The following CDH12 variants were observed in gnomAD, a reference collection of about 807,000 sequenced individuals.
CDH12 encodes cadherin-12.
Under a neutral mutation model 74.1 loss-of-function variants are expected in CDH12, and 41 were observed. The observed-to-expected ratio is 0.55, with a 90% CI of 0.43 to 0.72. The LOEUF (loss-of-function observed/expected upper bound fraction) is 0.72, where lower values mean the gene tolerates loss of function less well. Ranked by LOEUF, CDH12 falls within the 30% of genes least tolerant of loss-of-function variation. CDH12 has a pLI of 0.00. For missense variants in CDH12, 945 were observed against 977.2 expected (o/e 0.97, Z 0.44); for synonymous variants, 399 against 355.0 (o/e 1.12, Z -1.39).
intron 1 of CDH12, among the ~76,000 whole-genome samples, chr5:22,852,757 T>C (rs1477343382): frequency 6.6e-6 from 1 of 152,228 alleles, no homozygotes; most frequent in Non-Finnish European, 1.5e-5. Context: ...CACACCTACT[T>C]ATTTTCATTT....
intron 1 of CDH12, among the ~76,000 whole-genome samples, chr5:22,790,063 T>G (rs551004866): frequency 6.6e-6 from 1 of 152,162 alleles, no homozygotes; most frequent in East Asian, 1.9e-4. Flanking sequence ...TCAGCCTGCT[T>G]TTAAGTCAAG....
chr5:22,693,373 C>A (rs117448780), intron 1 of CDH12, among the ~76,000 whole-genome samples: 31 of 152,158 alleles, frequency 2.0e-4, no homozygotes, highest in Middle Eastern at 3.4e-3. Context: ...TGTGTGGGGA[C>A]TGGCGGGGGT....
intron 1 of CDH12, among the ~76,000 whole-genome samples, chr5:22,537,728 TAGAG>T (rs1292446683): frequency 6.6e-6 from 1 of 152,176 alleles, no homozygotes; most frequent in Non-Finnish European, 1.5e-5. Flanking sequence ...TAAATACTCT[TAGAG>T]AGCGCTCCTG....
intron 5 of CDH12, among the ~76,000 whole-genome samples, chr5:22,038,495 C>T (rs140220017): frequency 1.9e-3 from 287 of 152,272 alleles, no homozygotes; most frequent in Admixed American, 3.3e-3. Flanking sequence ...CCCAAAGAAA[C>T]GGTGCCATGG....
At position 22,341,574 on chromosome 5, in the gene CDH12, G is replaced by A. The variant is rs1323670692; in HGVS notation, c.-333+63683C>T. 4.6e-5 allele frequency among the ~76,000 whole-genome samples: 7 copies of A among 151,988 alleles called. No homozygotes were observed. The East Asian group carries it at 7.7e-4, about 17-fold the overall frequency. On this transcript the variant is annotated intron_variant, in intron 3 of 14. Coordinates refer to ENST00000382254, the MANE Select transcript of CDH12 (RefSeq NM_004061.5). The stretch of plus-strand genomic sequence containing the variant: ...GTAGATGTCAGCTCACTATTCCTTC[G>A]TAGGCAGCTGTCTGTGGCTGCTTCA...
At chr5:22,414,482 T>A (rs1743299023) in intron 2 of CDH12, among the ~76,000 whole-genome samples, 1 of 151,996 alleles carries the variant, frequency 6.6e-6, no homozygotes, top group Non-Finnish European at 1.5e-5. Flanking sequence ...CAATAATTGA[T>A]AGACAATAAT....
At chr5:22,846,390 C>T (rs1369842920) in intron 1 of CDH12, among the ~76,000 whole-genome samples, 1 of 152,090 alleles carries the variant, frequency 6.6e-6, no homozygotes, top group Non-Finnish European at 1.5e-5. Flanking sequence ...GATGCAATTA[C>T]CCCTTCAGTG....
At chr5:22,465,112 A>G (rs1240855821) in intron 2 of CDH12, among the ~76,000 whole-genome samples, 5 of 152,026 alleles carry the variant, frequency 3.3e-5, no homozygotes, top group African/African-American at 1.2e-4. Context: ...TCTAGTTCTA[A>G]TATTTTGGAA....
At chr5:22,067,740 T>C (rs1050525739) in intron 5 of CDH12, among the ~76,000 whole-genome samples, 1 of 152,138 alleles carries the variant, frequency 6.6e-6, no homozygotes, top group Non-Finnish European at 1.5e-5. Context: ...TCATAAGATA[T>C]GAAGTATCCT....
chr5:22,404,057 GT>G (rs1412086888), intron 3 of CDH12, among the ~76,000 whole-genome samples: 1 of 152,086 alleles, frequency 6.6e-6, no homozygotes, highest in African/African-American at 2.4e-5. Context: ...AGGAGCAATT[GT>G]AGTATTCTTC....
chr5:22,011,917 A>C (rs1294318082), intron 5 of CDH12, among the ~76,000 whole-genome samples: 1 of 144,838 alleles, frequency 6.9e-6, no homozygotes, highest in Non-Finnish European at 1.6e-5. Flanking sequence ...TTGGAAAACA[A>C]AGCTGTTTCT....
At chr5:22,028,402 C>T (rs1738540816) in intron 5 of CDH12, among the ~76,000 whole-genome samples, 1 of 152,130 alleles carries the variant, frequency 6.6e-6, no homozygotes, top group South Asian at 2.1e-4. Context: ...TGATAAGCAA[C>T]TTCAGCAAAG....
intron 5 of CDH12, among the ~76,000 whole-genome samples, chr5:22,050,388 T>C (rs1047599366): frequency 1.1e-4 from 17 of 152,140 alleles, no homozygotes; most frequent in Non-Finnish European, 1.8e-4. Context: ...ATTTCAAATA[T>C]GTGTGACTGT....
intron 3 of CDH12, among the ~76,000 whole-genome samples, chr5:22,363,737 C>A (rs1299744462): frequency 6.6e-6 from 1 of 152,110 alleles, no homozygotes; most frequent in Non-Finnish European, 1.5e-5. Flanking sequence ...TAAAAAAATG[C>A]ATCTTTGGGA....
rs1455449132 is a variant in CDH12, at chr5:22,113,006, T to C, written c.-186-34144A>G. 2.6e-5 allele frequency among the ~76,000 whole-genome samples: 4 copies of C among 152,138 alleles called. No homozygotes were observed. The East Asian group carries it at 5.8e-4, about 22-fold the overall frequency. On this transcript the variant is annotated intron_variant, in intron 4 of 14. Transcript: ENST00000382254. ...TTATTTTAACATTAAGATGAAATCA[T>C]CATCTGAGGACTAAACTCCGATATT... is the stretch of plus-strand genomic sequence containing the variant.
chr5:22,600,589 T>G (rs1039787579), intron 1 of CDH12, among the ~76,000 whole-genome samples: 1 of 152,116 alleles, frequency 6.6e-6, no homozygotes, highest in Non-Finnish European at 1.5e-5. Flanking sequence ...ATCCCTATGC[T>G]ACCTTATGTG....
intron 5 of CDH12, among the ~76,000 whole-genome samples, chr5:22,052,863 A>G (rs935506256): frequency 9.2e-5 from 14 of 152,114 alleles, no homozygotes; most frequent in South Asian, 2.1e-4. Flanking sequence ...CATCAATTCC[A>G]AGAGGATTTT....
intron 3 of CDH12, among the ~76,000 whole-genome samples, chr5:22,343,283 T>TACACAC (rs70959717): frequency 0.019 from 1,743 of 92,502 alleles, 60 homozygotes; most frequent in African/African-American, 0.051. Context: ...ACATAAACCC[T>TACACAC]ACACACACAC....
chr5:21,955,659 C>G (rs1429135494), intron 6 of CDH12, among the ~76,000 whole-genome samples: 1 of 152,028 alleles, frequency 6.6e-6, no homozygotes, highest in African/African-American at 2.4e-5. Flanking sequence ...AAACCCAAGA[C>G]TAGCATATGT....
Sources: allele counts gnomAD v4.1 joint callset (sites outside exome capture counted in the v4.1 genomes callset), GRCh38; gene constraint gnomAD v4.1.1; transcripts MANE v1.5; gene names NCBI Gene and HGNC (gene_info 2026-07-23, HGNC 2026-07-21).